TAF1L: variants seen among roughly 807,000 people sequenced by gnomAD.
TAF1L encodes the protein TATA-box binding protein associated factor 1 like.
In TAF1L, 30 loss-of-function variants were observed where a neutral mutation model predicts 128.8. The observed-to-expected ratio is 0.23, with a 90% CI of 0.17 to 0.32. TAF1L has a LOEUF of 0.32. Ranked by LOEUF, TAF1L falls within the 10% of genes least tolerant of loss-of-function variation. The probability of loss-of-function intolerance (pLI) is 1.00; values close to 1 mark genes in which losing one functional copy is unlikely to be tolerated. For synonymous variants in TAF1L, 764 were observed against 790.7 expected, an observed-to-expected ratio of 0.97 and a Z score of 0.57; for missense variants, 2,099 against 2,253.7, an observed-to-expected ratio of 0.93 and a Z score of 1.39.
At position 32,635,098 on chromosome 9, in the gene TAF1L, G is replaced by C. The variant is rs1166417096; in HGVS notation, c.482C>G (p.Pro161Arg). The C allele has an allele frequency of 1.9e-6, 3 of 1,614,018 alleles. No individual in the cohort carries two copies. The highest frequency in any genetic ancestry group is 1.3e-5 in the African/African-American group (1 of 74,902). Residue 161 changes from proline (P) to arginine (R), a missense_variant, in exon 1 of 1, where the codon CCC (proline) becomes CGC (arginine). By Grantham distance (103) the Pro-to-Arg change is moderately radical. This residue lies in a region of TAF1L where 473 missense variants were observed against 429.6 expected (regional missense o/e 1.10). Coordinates refer to ENST00000242310, the MANE Select transcript of TAF1L (RefSeq NM_153809.2). ...CTTATCCTTCTTCATTGGTCCCGGG[G>C]GTGGAGGTGGAGGAGGCATCAACTT... ...DCKLMPPPPPPPGPMKKDKDQ... is the reference protein window; with the variant it reads ...DCKLMPPPPPRPGPMKKDKDQ...
chr9:32,633,510 G>A lies in TAF1L; in HGVS notation c.2070C>T (p.Leu690=). Residue 690 remains leucine, a synonymous_variant, in exon 1 of 1, where the codon CTC becomes CTT. Coordinates refer to ENST00000242310, the MANE Select transcript of TAF1L (RefSeq NM_153809.2). ...ELFFMRTPQD[L]TGKDGDLILA... ...GAATAAGATCTCCATCTTTGCCTGT[G>A]AGATCCTGAGGTGTGCGCATAAAAA... The A allele has an allele frequency of 6.2e-7, 1 of 1,614,156 alleles. No individual in the cohort carries two copies. The highest frequency in any genetic ancestry group is 8.5e-7 in the Non-Finnish European group (1 of 1,180,048).
rs1822544411 is a variant in TAF1L, at chr9:32,633,552, T to C, written c.2028A>G (p.Ser676=). 1 of 1,614,232 alleles carries C rather than the reference T, an allele frequency of 6.2e-7. No individual in the cohort carries two copies. Among genetic ancestry groups the C allele is most frequent in the Non-Finnish European group, 8.5e-7 (1 of 1,180,050 alleles). ...GCATAAAAAACAACTCTCCACCACC[T>C]GAGGCTTGCCTCTCTTGTTCTCTCA... The part of the protein sequence containing the change: ...AKMREQERQA[S]GGGELFFMRT... Residue 676 remains serine, a synonymous_variant, in exon 1 of 1, where the codon TCA becomes TCG. Coordinates refer to ENST00000242310, the MANE Select transcript of TAF1L (RefSeq NM_153809.2).
At position 32,632,871 on chromosome 9, in the gene TAF1L, C is replaced by T. The variant is rs1822535198; in HGVS notation, c.2709G>A (p.Gln903=). 2 of 1,614,248 alleles carry T rather than the reference C, an allele frequency of 1.2e-6. No individual in the cohort carries two copies. The highest frequency in any genetic ancestry group is 8.5e-7 in the Non-Finnish European group (1 of 1,180,048). The change falls in exon 1 of 1, where the codon CAG becomes CAA. Residue 903 remains glutamine (Q), a synonymous_variant. Transcript: ENST00000242310. The surrounding 1 kb of genome is among the most constrained non-coding windows in gnomAD (Gnocchi z 4.4). ...EEIRAKVSPE[Q]CCAYYSMIAA... is the part of the protein sequence containing the mutation. ...CTATCATGCTATAATAAGCACAGCACTGCTCTGGTGACACCTTAGCTCTGA... is the reference window on the plus strand; with the variant it reads ...CTATCATGCTATAATAAGCACAGCATTGCTCTGGTGACACCTTAGCTCTGA...
In TAF1L at chr9:32,629,666, CT is replaced by C. The variant is rs201463066; in HGVS notation, c.*432del. The stretch of plus-strand genomic sequence containing the variant: ...AGATGATACCATGCTTGGAAATTTT[CT>C]TTTTTTTTGAGATGGAGTCTCACTC... On this transcript the variant is annotated 3_prime_UTR_variant, in exon 1 of 1. Coordinates refer to ENST00000242310, the MANE Select transcript of TAF1L (RefSeq NM_153809.2). The C allele has an allele frequency of 3.6e-4, 79 of 222,440 alleles. No homozygotes were observed. The highest frequency in any genetic ancestry group is 6.9e-4 in the East Asian group (6 of 8,638). The allele number at this position is 222,440 out of a possible 1,614,324, so 13.8% of individuals were successfully genotyped here.
chr9:32,631,712 C>G lies in TAF1L; in HGVS notation c.3868G>C (p.Gly1290Arg). The stretch of plus-strand genomic sequence containing the variant: ...CAGAATTTGTTAGTCCTCATATGTC[C>G]AATGGCACCACATGCCCCACATTTC... ...KLKCGACGAI[G>R]HMRTNKFCPL... is the part of the protein sequence containing the mutation. Residue 1290 changes from glycine (G) to arginine (R), a missense_variant, in exon 1 of 1, where the codon GGA becomes CGA. Physicochemically the swap from Gly to Arg is moderately radical, Grantham distance 125 (BLOSUM62 -2). Transcript: ENST00000242310. The surrounding 1 kb of genome is among the most constrained non-coding windows in gnomAD (Gnocchi z 4.1). The G allele has an allele frequency of 1.2e-6, 2 of 1,614,092 alleles. No individual in the cohort carries two copies. The highest frequency in any genetic ancestry group is 8.5e-7 in the Non-Finnish European group (1 of 1,180,014).
chr9:32,634,253 T>C lies in TAF1L; in HGVS notation c.1327A>G (p.Lys443Glu), dbSNP rs1367392431. Residue 443 changes from lysine to glutamate, a missense_variant, in exon 1 of 1, where the codon AAA becomes GAA. Around this residue, in one of 4 missense-constraint regions of TAF1L, gnomAD observed 1,213 missense variants for 1,391.4 expected, o/e 0.87. Transcript: ENST00000242310. The part of the protein sequence containing the change: ...IIWDGEDIKH[K>E]GTKPQGASLA... ...CTTGCACCCTGAGGTTTTGTCCCTT[T>C]GTGTTTGATATCCTCCCCATCCCAG... 6.8e-6 allele frequency: 11 copies of C among 1,614,196 alleles called. No homozygotes were observed. Among genetic ancestry groups the C allele is most frequent in the South Asian group, 1.1e-5 (1 of 91,084 alleles).
chr9:32,631,033 G>C lies in TAF1L; in HGVS notation c.4547C>G (p.Pro1516Arg). Reference protein sequence around the residue: ...KLARLEKAINPLLDDDDQVAF... With the variant: ...KLARLEKAINRLLDDDDQVAF... ...CACTTGGTCATCATCATCCAGCAAG[G>C]GGTTGATAGCTTTCTCTAAGCGAGC... Residue 1516 changes from proline (P) to arginine (R), a missense_variant, in exon 1 of 1, where the codon CCC becomes CGC. Physicochemically the swap from Pro to Arg is moderately radical, Grantham distance 103. Transcript: ENST00000242310. The surrounding 1 kb of genome is among the most constrained non-coding windows in gnomAD (Gnocchi z 4.1). 1.2e-6 allele frequency: 2 copies of C among 1,614,130 alleles called. No homozygotes were observed. The highest frequency in any genetic ancestry group is 1.1e-5 in the South Asian group (1 of 91,078).
Position 32,633,947 on chromosome 9 carries a change from A to T in TAF1L, c.1633T>A (p.Ser545Thr). 6.2e-7 allele frequency: 1 copy of T among 1,614,102 alleles called. No homozygotes were observed. The highest frequency in any genetic ancestry group is 8.5e-7 in the Non-Finnish European group (1 of 1,180,020). The stretch of plus-strand genomic sequence containing the variant: ...GATGATTCCTTCTTACTCTCCTTGG[A>T]GGGGGAGTTAGAGGTGGCCTCTTCC... The part of the protein sequence containing the change: ...EKEEATSNSP[S>T]KESKKESSLK... The change falls in exon 1 of 1, where the codon TCC (serine) becomes ACC (threonine). Residue 545 changes from serine to threonine, a missense_variant. By Grantham distance (58) the Ser-to-Thr change is moderately conservative. Transcript: ENST00000242310.
At position 32,635,277 on chromosome 9, in the gene TAF1L, C is replaced by G. The variant is rs755877126; in HGVS notation, c.303G>C (p.Arg101Ser). The change falls in exon 1 of 1, where the codon AGG becomes AGC. Residue 101 changes from arginine (R) to serine (S), a missense_variant. This residue lies in a region of TAF1L where 473 missense variants were observed against 429.6 expected (regional missense o/e 1.10). Transcript: ENST00000242310. ...GALVNDEGWI[R>S]STEDAVDYSD... Reference sequence around the variant, plus strand: ...AATAGTCTACAGCATCTTCTGTACTCCTAATCCACCCTTCATCATTTACCA... The same window carrying G: ...AATAGTCTACAGCATCTTCTGTACTGCTAATCCACCCTTCATCATTTACCA... The G allele has an allele frequency of 1.9e-6, 3 of 1,614,042 alleles. No homozygotes were observed. The highest frequency in any genetic ancestry group is 2.2e-5 in the East Asian group (1 of 44,888).
Position 32,633,583 on chromosome 9 carries a change from G to A in TAF1L, c.1997C>T (p.Ala666Val). The A allele has an allele frequency of 6.2e-7, 1 of 1,614,090 alleles. No homozygotes were observed. Among genetic ancestry groups the A allele is most frequent in the Non-Finnish European group, 8.5e-7 (1 of 1,180,034 alleles). Residue 666 changes from alanine (A) to valine (V), a missense_variant, in exon 1 of 1, where the codon GCC (alanine) becomes GTC (valine). Around this residue, in one of 4 missense-constraint regions of TAF1L, gnomAD observed 1,213 missense variants for 1,391.4 expected, o/e 0.87. Coordinates refer to ENST00000242310, the MANE Select transcript of TAF1L (RefSeq NM_153809.2). ...TTGCCTCTCTTGTTCTCTCATCTTG[G>A]CCTTTTTTTTGATGTGCTTTAGCAA... ...QPLLKHIKKK[A>V]KMREQERQAS...
Position 32,633,033 on chromosome 9 carries a change from T to A in TAF1L, c.2547A>T (p.Ile849=), listed in dbSNP as rs1487120890. The A allele has an allele frequency of 1.9e-6, 3 of 1,614,070 alleles. No individual in the cohort carries two copies. The highest frequency in any genetic ancestry group is 1.3e-5 in the African/African-American group (1 of 74,908). Reference sequence around the variant, plus strand: ...CTGAATGGGAAGGAAAGGCTTTTTTTATATCTTCCATTCGTATCCTCCGTG... The same window carrying A: ...CTGAATGGGAAGGAAAGGCTTTTTTAATATCTTCCATTCGTATCCTCCGTG... ...DRPRRIRMED[I]KKAFPSHSES... is the part of the protein sequence containing the mutation. Residue 849 remains isoleucine (I), a synonymous_variant, in exon 1 of 1, where the codon ATA becomes ATT. Transcript: ENST00000242310.
rs1822557201 is a variant in TAF1L, at chr9:32,634,505, C to T, written c.1075G>A (p.Glu359Lys). 1 of 1,614,250 alleles carries T rather than the reference C, an allele frequency of 6.2e-7. No individual in the cohort carries two copies. The highest frequency in any genetic ancestry group is 2.2e-5 in the East Asian group (1 of 44,888). The change falls in exon 1 of 1, where the codon GAG (glutamate) becomes AAG (lysine). Residue 359 changes from glutamate (E) to lysine (K), a missense_variant. By Grantham distance (56) the Glu-to-Lys change is moderately conservative. Coordinates refer to ENST00000242310, the MANE Select transcript of TAF1L (RefSeq NM_153809.2). The stretch of plus-strand genomic sequence containing the variant: ...AGTCGGGCAGGCCCATAACGCCACT[C>T]AGCCACTCTTGGTTTGGTATCTGTC... ...KVTDTKPRVA[E>K]WRYGPARLWY...
rs868028457 is a variant in TAF1L at position 32,633,320 on chromosome 9, G to A, written c.2260C>T (p.His754Tyr). ...CHTSPFLGSL[H>Y]PGQLLQALEN... ...AGTGCCTGCAGTAATTGGCCAGGAT[G>A]GAGAGAGCCCAAGAAAGGAGATGTA... The change falls in exon 1 of 1, where the codon CAT becomes TAT. Residue 754 changes from histidine to tyrosine, a missense_variant. This residue lies in a region of TAF1L where 1,213 missense variants were observed against 1,391.4 expected (regional missense o/e 0.87). Transcript: ENST00000242310. 6.2e-7 allele frequency: 1 copy of A among 1,614,124 alleles called. No homozygotes were observed. The highest frequency in any genetic ancestry group is 1.7e-5 in the Admixed American group (1 of 60,016).
Position 32,631,944 on chromosome 9 carries a change from G to A in TAF1L, c.3636C>T (p.Ala1212=). 2.5e-6 allele frequency: 4 copies of A among 1,614,150 alleles called. No homozygotes were observed. Among genetic ancestry groups the A allele is most frequent in the Non-Finnish European group, 2.5e-6 (3 of 1,180,034 alleles). ...ETVRKPAVID[A]YVRIRTTKDE... is the part of the protein sequence containing the mutation. ...CTTTTGTAGTCCGTATGCGCACATAGGCATCAATGACAGCTGGTTTTCGGA... is the reference window on the plus strand; with the variant it reads ...CTTTTGTAGTCCGTATGCGCACATAAGCATCAATGACAGCTGGTTTTCGGA... Residue 1212 remains alanine (A), a synonymous_variant, in exon 1 of 1, where the codon GCC becomes GCT. Transcript: ENST00000242310. This position sits in a 1 kb window ranked among gnomAD's most constrained non-coding sequence, Gnocchi z 4.1.
rs1471732205 is a variant in TAF1L at position 32,633,778 on chromosome 9, C to A, written c.1802G>T (p.Gly601Val). Residue 601 changes from glycine (G) to valine (V), a missense_variant, in exon 1 of 1, where the codon GGC becomes GTC. By Grantham distance (109) the Gly-to-Val change is moderately radical (BLOSUM62 -3). This residue lies in a region of TAF1L where 1,213 missense variants were observed against 1,391.4 expected (regional missense o/e 0.87). Coordinates refer to ENST00000242310, the MANE Select transcript of TAF1L (RefSeq NM_153809.2). ...YYFPKQQGLR[G>V]TFGGNIIQHS... ...CTGGATAATATTCCCTCCAAAGGTG[C>A]CCCGAAGACCCTGTTGCTTGGGGAA... 1 of 1,614,198 alleles carries A rather than the reference C, an allele frequency of 6.2e-7. No individual in the cohort carries two copies. Among genetic ancestry groups the A allele is most frequent in the South Asian group, 1.1e-5 (1 of 91,076 alleles).
Position 32,631,053 on chromosome 9 carries a change from G to C in TAF1L, c.4527C>G (p.Arg1509=). The C allele has an allele frequency of 6.2e-7, 1 of 1,614,200 alleles. No individual in the cohort carries two copies. Among genetic ancestry groups the C allele is most frequent in the Non-Finnish European group, 8.5e-7 (1 of 1,180,034 alleles). ...KLKEKEDKLA[R]LEKAINPLLD... ...GCAAGGGGTTGATAGCTTTCTCTAA[G>C]CGAGCTAATTTGTCTTCTTTCTCTT... The change falls in exon 1 of 1, where the codon CGC becomes CGG. Residue 1509 remains arginine (R), a synonymous_variant. Coordinates refer to ENST00000242310, the MANE Select transcript of TAF1L (RefSeq NM_153809.2). The surrounding 1 kb of genome is among the most constrained non-coding windows in gnomAD (Gnocchi z 4.1).
At position 32,633,038 on chromosome 9, in the gene TAF1L, C is replaced by T. The variant is rs141368669; in HGVS notation, c.2542G>A (p.Asp848Asn). 1.3e-3 allele frequency: 2,019 copies of T among 1,614,008 alleles called. 2 individuals are homozygous for T. The highest frequency in any genetic ancestry group is 1.6e-3 in the Non-Finnish European group (1,942 of 1,180,028). ...KDRPRRIRME[D>N]IKKAFPSHSE... ...TGGGAAGGAAAGGCTTTTTTTATAT[C>T]TTCCATTCGTATCCTCCGTGGCCGA... Residue 848 changes from aspartate (D) to asparagine (N), a missense_variant, in exon 1 of 1, where the codon GAT becomes AAT. Around this residue, in one of 4 missense-constraint regions of TAF1L, gnomAD observed 1,213 missense variants for 1,391.4 expected, o/e 0.87. Transcript: ENST00000242310.
Position 32,629,943 on chromosome 9 carries a change from AC to A in TAF1L, c.*155del. On this transcript the variant is annotated 3_prime_UTR_variant, in exon 1 of 1. Coordinates refer to ENST00000242310, the MANE Select transcript of TAF1L (RefSeq NM_153809.2). ...AGTGCTGAGATTACAGGTGTGAGCC[AC>A]CATGCCCAGCTGGAAATTTCCGATG... is the stretch of plus-strand genomic sequence containing the variant. The A allele has an allele frequency of 6.9e-7, 1 of 1,442,476 alleles. No homozygotes were observed. The highest frequency in any genetic ancestry group is 2.4e-4 in the Middle Eastern group (1 of 4,174). 89.4% of individuals were successfully genotyped at this position (1,442,476 alleles called of 1,614,324 possible). A position where few individuals can be genotyped will look rare whatever the true frequency, so the allele number is the denominator to read the frequency against.
Position 32,631,454 on chromosome 9 carries a change from G to A in TAF1L, c.4126C>T (p.Arg1376Ter), listed in dbSNP as rs781629508. ...TCACAATGAACAGTGGTTCCAACTC[G>A]CCGTTTCTTCTTTGGAGGAAGCTGC... ...KQQLPPKKKRRVGTTVHCDYL... is the reference protein window; with the variant it reads ...KQQLPPKKKR Residue 1376 changes from arginine to a stop codon, truncating the protein, a stop_gained, in exon 1 of 1, where the codon CGA (arginine) becomes TGA (stop). Coordinates refer to ENST00000242310, the MANE Select transcript of TAF1L (RefSeq NM_153809.2). LOFTEE classifies it high-confidence loss of function. This position sits in a 1 kb window ranked among gnomAD's most constrained non-coding sequence, Gnocchi z 4.1. 6.2e-6 allele frequency: 10 copies of A among 1,614,146 alleles called. No homozygotes were observed. Among genetic ancestry groups the A allele is most frequent in the African/African-American group, 2.7e-5 (2 of 75,016 alleles).
Sources: allele counts gnomAD v4.1 joint callset, GRCh38; gene constraint gnomAD v4.1.1; regional missense constraint gnomAD v4.1.1; non-coding constraint Gnocchi (gnomAD v3.1); transcripts MANE v1.5; gene names NCBI Gene and HGNC (gene_info 2026-07-23, HGNC 2026-07-21).